The following C10orf143 variants were observed in gnomAD, a reference collection of about 807,000 sequenced individuals.
The protein encoded by C10orf143 is chromosome 10 open reading frame 143, also known as uncharacterized protein C10orf143.
rs979987803 is a variant in C10orf143 at position 130,064,251 on chromosome 10, G to A, written c.*103C>T. ...CACAGAGGACACCGGGCTGCTATTTGAACAGGTAAGTCCCCAAACCCATCT... is the reference window on the plus strand; with the variant it reads ...CACAGAGGACACCGGGCTGCTATTTAAACAGGTAAGTCCCCAAACCCATCT... On this transcript the variant is annotated 3_prime_UTR_variant, in exon 4 of 4. Coordinates refer to ENST00000637128, the MANE Select transcript of C10orf143 (RefSeq NM_001355042.2). 1 of 396,472 alleles carries A rather than the reference G, an allele frequency of 2.5e-6. No homozygotes were observed. The highest frequency in any genetic ancestry group is 2.1e-5 in the African/African-American group (1 of 48,576). 24.6% of individuals were successfully genotyped at this position (396,472 alleles called of 1,614,324 possible). A position where few individuals can be genotyped will look rare whatever the true frequency, so the allele number is the denominator to read the frequency against.
intron 1 of C10orf143, among the ~76,000 whole-genome samples, chr10:130,099,792 T>G (rs903350936): frequency 1.3e-5 from 2 of 151,060 alleles, no homozygotes; most frequent in African/African-American, 4.9e-5. Flanking sequence ...CCTCCCGAAG[T>G]GCAAGGATTA....
intron 3 of C10orf143, among the ~76,000 whole-genome samples, chr10:130,046,767 C>A (rs1170054605): frequency 6.6e-6 from 1 of 152,194 alleles, no homozygotes; most frequent in Non-Finnish European, 1.5e-5. Context: ...ACGCCGCCCG[C>A]TCACCTGCAC....
chr10:130,055,181 G>A (rs889567570), intron 3 of C10orf143, among the ~76,000 whole-genome samples: 5 of 152,030 alleles, frequency 3.3e-5, no homozygotes, highest in African/African-American at 7.3e-5. Flanking sequence ...ACAGAGAGAA[G>A]GTTTCATGAC....
intron 1 of C10orf143, among the ~76,000 whole-genome samples, chr10:130,093,726 A>G (rs1487462617): frequency 6.6e-6 from 1 of 152,094 alleles, no homozygotes. Flanking sequence ...AAAAATGATA[A>G]AGGGGGCCAG....
intron 3 of C10orf143, among the ~76,000 whole-genome samples, chr10:130,041,167 T>C (rs1293721953): frequency 2.6e-5 from 4 of 152,200 alleles, no homozygotes; most frequent in Non-Finnish European, 5.9e-5. Flanking sequence ...GGAGAAGCTG[T>C]GTTTGAGATA....
chr10:130,098,761 T>C (rs1861500720), intron 1 of C10orf143, among the ~76,000 whole-genome samples: 1 of 152,148 alleles, frequency 6.6e-6, no homozygotes, highest in Non-Finnish European at 1.5e-5. Flanking sequence ...ATTGTGACTT[T>C]CTGTGTCATA....
chr10:130,095,397 C>G (rs1861446608), intron 1 of C10orf143, among the ~76,000 whole-genome samples: 1 of 152,186 alleles, frequency 6.6e-6, no homozygotes, highest in Non-Finnish European at 1.5e-5. Context: ...AAAGCTATCA[C>G]CATCAAGCTA....
rs570799039 is a variant in C10orf143 at position 130,084,822 on chromosome 10, G to A, written c.70-4921C>T. On this transcript the variant is annotated intron_variant, in intron 1 of 3. Coordinates refer to ENST00000637128, the MANE Select transcript of C10orf143 (RefSeq NM_001355042.2). ...GGGAAGCAGCTGATTCAGGGAAGGA[G>A]TAGGGAAAATACAAGATGAGCCTCA... Among the ~76,000 whole-genome samples the A allele has an allele frequency of 3.2e-3, 494 of 152,268 alleles. 5 individuals are homozygous for A. Among genetic ancestry groups the A allele is most frequent in the African/African-American group, 0.011 (469 of 41,532 alleles).
chr10:130,058,761 C>T (rs1860823169), intron 3 of C10orf143, among the ~76,000 whole-genome samples: 1 of 151,946 alleles, frequency 6.6e-6, no homozygotes, highest in East Asian at 1.9e-4. Flanking sequence ...GTAAAGCTAC[C>T]CCTTATCCTG....
At chr10:130,073,500 T>C (rs916163188) in intron 3 of C10orf143, among the ~76,000 whole-genome samples, 1 of 152,134 alleles carries the variant, frequency 6.6e-6, no homozygotes, top group African/African-American at 2.4e-5. Flanking sequence ...CAGCCCTGGG[T>C]GCAATCTAGG....
Position 130,056,418 on chromosome 10 carries a change from C to T in C10orf143, c.298-20448G>A, listed in dbSNP as rs897846314. 2.0e-5 allele frequency among the ~76,000 whole-genome samples: 3 copies of T among 152,054 alleles called. No homozygotes were observed. Among genetic ancestry groups the T allele is most frequent in the Non-Finnish European group, 2.9e-5 (2 of 68,018 alleles). On this transcript the variant is annotated intron_variant and NMD_transcript_variant, in intron 3 of 5. Transcript: ENST00000643056. This position sits in a 1 kb window ranked among gnomAD's most constrained non-coding sequence, Gnocchi z 4.6. ...ACAGCAAGGGTCATGCTGAGTCAAG[C>T]GTTCAGTGAATACCCCAGGACCTTC... is the stretch of plus-strand genomic sequence containing the variant.
intron 3 of C10orf143, among the ~76,000 whole-genome samples, chr10:130,039,752 G>C (rs1475472507): frequency 6.6e-6 from 1 of 152,114 alleles, no homozygotes; most frequent in Non-Finnish European, 1.5e-5. Context: ...GCTGACCTCT[G>C]CCTCTAGGAA....
At chr10:130,052,974 T>A (rs1423948608) in intron 3 of C10orf143, among the ~76,000 whole-genome samples, 1 of 152,218 alleles carries the variant, frequency 6.6e-6, no homozygotes, top group African/African-American at 2.4e-5. Context: ...TCTTGCACAT[T>A]TCTATGAATT....
intron 1 of C10orf143, among the ~76,000 whole-genome samples, chr10:130,099,930 C>T (rs1168329491): frequency 6.6e-6 from 1 of 151,152 alleles, no homozygotes; most frequent in African/African-American, 2.4e-5. Context: ...CTCCGCCTCC[C>T]AGGTTCAAGC....
At chr10:130,097,891 T>C (rs1861487547) in intron 1 of C10orf143, among the ~76,000 whole-genome samples, 1 of 152,076 alleles carries the variant, frequency 6.6e-6, no homozygotes, top group Non-Finnish European at 1.5e-5. Flanking sequence ...AGTGGTTGCC[T>C]GGAGCTAGGG....
chr10:130,106,652 C>A, intron 1 of C10orf143: 1 of 1,254,780 alleles, frequency 8.0e-7, no homozygotes, highest in Non-Finnish European at 1.2e-6. Flanking sequence ...GACTGAGAAA[C>A]AACTGAAGAT....
intron 1 of C10orf143, among the ~76,000 whole-genome samples, chr10:130,084,369 A>G (rs1861256844): frequency 6.6e-6 from 1 of 152,226 alleles, no homozygotes; most frequent in Non-Finnish European, 1.5e-5. Context: ...TAAAGACGAC[A>G]AAAAGCACTG....
At chr10:130,061,371 A>G (rs942842030), downstream of C10orf143, among the ~76,000 whole-genome samples, 8 of 152,338 alleles carry the variant, frequency 5.3e-5, no homozygotes, top group South Asian at 1.0e-3. Context: ...GAAATAAACT[A>G]TATTTTTGAA....
chr10:130,054,431 A>G (rs1188803976), intron 3 of C10orf143, among the ~76,000 whole-genome samples: 2 of 152,226 alleles, frequency 1.3e-5, no homozygotes, highest in African/African-American at 4.8e-5. Flanking sequence ...TTGAGTGGGC[A>G]TGCAGGTTGT....
Sources: allele counts gnomAD v4.1 joint callset (sites outside exome capture counted in the v4.1 genomes callset), GRCh38; gene constraint gnomAD v4.1.1; non-coding constraint Gnocchi (gnomAD v3.1); transcripts MANE v1.5; gene names NCBI Gene and HGNC (gene_info 2026-07-23, HGNC 2026-07-21).